Variants in LRBA observed in about 807,000 individuals in gnomAD.
The protein encoded by LRBA is lipopolysaccharide-responsive and beige-like anchor protein.
A neutral mutation model predicts 330.0 loss-of-function variants in LRBA; 176 were observed. That is an observed-to-expected ratio of 0.53 (90% CI 0.47 to 0.60). LRBA has a LOEUF of 0.60. Among genes scored for constraint, LRBA ranks in the 20% least tolerant of loss-of-function variants. LRBA has a pLI of 0.00. For missense variants in LRBA, 3,259 were observed against 3,444.8 expected (o/e 0.95, Z 1.35); for synonymous variants, 1,230 against 1,193.0 (o/e 1.03, Z -0.64).
chr4:150,852,244 A>G lies in LRBA; in HGVS notation c.3466T>C (p.Phe1156Leu). The G allele has an allele frequency of 6.2e-7, 1 of 1,614,094 alleles. No individual in the cohort carries two copies. The highest frequency in any genetic ancestry group is 8.5e-7 in the Non-Finnish European group (1 of 1,179,994). The change falls in exon 23 of 57, where the codon TTT (phenylalanine) becomes CTT (leucine). Residue 1156 changes from phenylalanine (F) to leucine (L), a missense_variant. Coordinates refer to ENST00000651943, the MANE Select transcript of LRBA (RefSeq NM_001364905.1). Reference sequence around the variant, plus strand: ...TCAGTAACAGGTTTTCCTTCTTGAAATATTAATTTGTCATCATTACCAAAC... The same window carrying G: ...TCAGTAACAGGTTTTCCTTCTTGAAGTATTAATTTGTCATCATTACCAAAC... ...DMFGNDDKLI[F>L]QEGKPVTEKQ...
At chr4:150,492,597 G>A (rs1307256753) in intron 40 of LRBA, among the ~76,000 whole-genome samples, 1 of 152,104 alleles carries the variant, frequency 6.6e-6, no homozygotes, top group Non-Finnish European at 1.5e-5. Flanking sequence ...AGTCTACCAT[G>A]ACCAGAGGAC....
chr4:150,628,858 G>A (rs1423420368), intron 37 of LRBA, among the ~76,000 whole-genome samples: 1 of 152,098 alleles, frequency 6.6e-6, no homozygotes, highest in African/African-American at 2.4e-5. Flanking sequence ...AGTTTTAAAT[G>A]GATAACAAGT....
intron 37 of LRBA, among the ~76,000 whole-genome samples, chr4:150,630,438 G>C (rs1482595833): frequency 6.6e-6 from 1 of 152,112 alleles, no homozygotes; most frequent in Non-Finnish European, 1.5e-5. Flanking sequence ...GTCAGAAATT[G>C]AGCTTTATTA....
intron 34 of LRBA, among the ~76,000 whole-genome samples, chr4:150,779,972 C>G (rs1737939739): frequency 6.6e-6 from 1 of 152,116 alleles, no homozygotes; most frequent in Non-Finnish European, 1.5e-5. Flanking sequence ...CAAGTAAAAG[C>G]TCTAGATGTA....
chr4:150,345,335 T>C (rs1485546547), intron 48 of LRBA, among the ~76,000 whole-genome samples: 1 of 152,216 alleles, frequency 6.6e-6, no homozygotes, highest in Non-Finnish European at 1.5e-5. Flanking sequence ...TAATGACCTA[T>C]TCATGTTTTC....
intron 40 of LRBA, among the ~76,000 whole-genome samples, chr4:150,551,964 T>C (rs1476176873): frequency 1.3e-5 from 2 of 151,434 alleles, no homozygotes; most frequent in African/African-American, 4.9e-5. Flanking sequence ...GGGTGGGGGG[T>C]AGGAGGTATG....
intron 40 of LRBA, among the ~76,000 whole-genome samples, chr4:150,577,420 T>TAA (rs35865758): frequency 0.028 from 4,191 of 148,888 alleles, 138 homozygotes; most frequent in African/African-American, 0.082. Context: ...TTCATTTTTT[T>TAA]AAAAAAAAAA....
rs1447128579 is a variant in LRBA at position 150,559,643 on chromosome 4, T to C, written c.6330+28405A>G. Among the ~76,000 whole-genome samples the C allele has an allele frequency of 4.7e-4, 27 of 56,978 alleles. No individual in the cohort carries two copies. In the East Asian group the frequency reaches 0.013, roughly 28 times the overall value. 37.4% of individuals were successfully genotyped at this position (56,978 alleles called of 152,430 possible). ...TATTATTTTATAATATATATTTATATAATATAATATATAATTATAATATAT... is the reference window on the plus strand; with the variant it reads ...TATTATTTTATAATATATATTTATACAATATAATATATAATTATAATATAT... On this transcript the variant is annotated intron_variant, in intron 40 of 56. Coordinates refer to ENST00000651943, the MANE Select transcript of LRBA (RefSeq NM_001364905.1).
chr4:150,713,262 AT>A (rs1786413892), intron 36 of LRBA, among the ~76,000 whole-genome samples: 1 of 152,194 alleles, frequency 6.6e-6, no homozygotes. Flanking sequence ...CAATCACAAA[AT>A]GTTGTTGGTA....
At chr4:150,489,295 T>TAATATATTACATATAAGAATATATAA (rs1561250608) in intron 41 of LRBA, among the ~76,000 whole-genome samples, 5 of 60,092 alleles carry the variant, frequency 8.3e-5, no homozygotes, top group African/African-American at 2.9e-4. Flanking sequence ...TAAGAATATA[T>TAATATATTACATATAAGAATATATAA]AATATATTAT....
chr4:150,613,989 C>G (rs1024361582), intron 37 of LRBA, among the ~76,000 whole-genome samples: 6 of 152,168 alleles, frequency 3.9e-5, no homozygotes, highest in Non-Finnish European at 8.8e-5. Flanking sequence ...ATAAAACTAC[C>G]AGAGTCTTTA....
chr4:150,526,560 CCCT>C (rs1321605229), intron 40 of LRBA, among the ~76,000 whole-genome samples: 2 of 152,078 alleles, frequency 1.3e-5, no homozygotes, highest in African/African-American at 2.4e-5. Context: ...TTCACTTTCT[CCCT>C]CCTATTTAAA....
intron 37 of LRBA, among the ~76,000 whole-genome samples, chr4:150,636,256 A>T (rs914986078): frequency 8.1e-5 from 12 of 147,480 alleles, no homozygotes; most frequent in African/African-American, 2.8e-4. Flanking sequence ...AAATTTTCTG[A>T]TCTTCATCAA....
At chr4:150,488,763 A>AATGTATATTAAATGTATATT (rs1758197565) in intron 41 of LRBA, among the ~76,000 whole-genome samples, 1 of 149,054 alleles carries the variant, frequency 6.7e-6, no homozygotes, top group East Asian at 1.9e-4. Flanking sequence ...AAGCCAAAAA[A>AATGTATATTAAATGTATATT]AAAATATACC....
chr4:150,318,372 A>T (rs2126912235), intron 50 of LRBA, among the ~76,000 whole-genome samples: 1 of 152,284 alleles, frequency 6.6e-6, no homozygotes, highest in South Asian at 2.1e-4. Context: ...TACTCAAAGA[A>T]CTGAGGGGAA....
chr4:150,340,131 C>T (rs10213226), intron 48 of LRBA, among the ~76,000 whole-genome samples: 93,985 of 151,982 alleles, frequency 0.62, 31,412 homozygotes, highest in Middle Eastern at 0.74. Flanking sequence ...GCTGTAAGTT[C>T]CCTGAGGCCT....
intron 36 of LRBA, among the ~76,000 whole-genome samples, chr4:150,732,695 T>C (rs926490175): frequency 2.0e-5 from 3 of 152,034 alleles, no homozygotes; most frequent in Admixed American, 6.6e-5. Flanking sequence ...ATTATGTTTT[T>C]CCAAGTTGTT....
intron 37 of LRBA, among the ~76,000 whole-genome samples, chr4:150,635,982 TATTTCTTCTAC>T (rs899111119): frequency 3.0e-4 from 45 of 152,302 alleles, no homozygotes; most frequent in African/African-American, 9.1e-4. Context: ...GTTTAACTCA[TATTTCTTCTAC>T]ATTTCTTCTA....
intron 37 of LRBA, among the ~76,000 whole-genome samples, chr4:150,664,258 C>T (rs1045963164): frequency 2.6e-5 from 4 of 152,060 alleles, no homozygotes; most frequent in Non-Finnish European, 5.9e-5. Flanking sequence ...TAATCATAAC[C>T]GATTGTTATA....
Sources: allele counts gnomAD v4.1 joint callset (sites outside exome capture counted in the v4.1 genomes callset), GRCh38; gene constraint gnomAD v4.1.1; transcripts MANE v1.5; gene names NCBI Gene and HGNC (gene_info 2026-07-23, HGNC 2026-07-21).